Variants in NCF2 observed in about 807,000 individuals in gnomAD.
NCF2 encodes neutrophil cytosol factor 2.
NCF2 carries 45 observed loss-of-function variants against 70.9 expected under a neutral mutation model. The ratio of observed to expected loss-of-function variants is 0.63; its 90% confidence interval spans 0.50 to 0.81. NCF2 has a LOEUF of 0.81. Among genes scored for constraint, NCF2 ranks in the 40% least tolerant of loss-of-function variants. The pLI is 0.00. For missense variants in NCF2, 522 were observed against 631.6 expected (o/e 0.83, Z 1.86); for synonymous variants, 203 against 233.6 (o/e 0.87, Z 1.19).
At chr1:183,577,865 A>C (rs542797677) in intron 2 of NCF2, among the ~76,000 whole-genome samples, 158 bp from the exon 3 acceptor site, 1 of 152,156 alleles carries the variant, frequency 6.6e-6, no homozygotes. Context: ...CCCTGAGTCC[A>C]AGTATTCTAT....
At chr1:183,580,456 T>C (rs1300725382) in intron 2 of NCF2, among the ~76,000 whole-genome samples, 1 of 152,148 alleles carries the variant, frequency 6.6e-6, no homozygotes, top group Non-Finnish European at 1.5e-5. Context: ...GTTTCCTGTT[T>C]CCTGGCAGCT....
At chr1:183,559,977 G>T in intron 14 of NCF2, 119 bp downstream of exon 14, 1 of 1,093,584 alleles carries the variant, frequency 9.1e-7, no homozygotes, top group Non-Finnish European at 1.4e-6. Flanking sequence ...GCTAGGAAGG[G>T]GGTTGAAAAC....
At chr1:183,599,853 C>T in the NCF2 span, among the ~76,000 whole-genome samples, 1 of 152,050 alleles carries the variant, frequency 6.6e-6, no homozygotes, top group African/African-American at 2.4e-5. Flanking sequence ...GTACCCTGCC[C>T]TCTTTTTCTT....
intron 13 of NCF2, among the ~76,000 whole-genome samples, chr1:183,560,552 T>C (rs904970926): frequency 3.3e-5 from 5 of 152,138 alleles, no homozygotes; most frequent in African/African-American, 1.2e-4. Context: ...CAGGATAAAA[T>C]TGTTCCACCT....
chr1:183,583,976 G>A (rs2102927238), intron 2 of NCF2, among the ~76,000 whole-genome samples: 1 of 152,338 alleles, frequency 6.6e-6, no homozygotes, highest in East Asian at 1.9e-4. Flanking sequence ...TAGTCCTGGT[G>A]AAAAATGAGG....
At chr1:183,591,882 C>T (rs1410999968), upstream of NCF2, among the ~76,000 whole-genome samples, 1 of 152,206 alleles carries the variant, frequency 6.6e-6, no homozygotes. Flanking sequence ...ATTATGACTT[C>T]TCCCATCTTC....
chr1:183,563,915 T>C, intron 11 of NCF2, 90 bp downstream of exon 11: 1 of 1,448,366 alleles, frequency 6.9e-7, no homozygotes, highest in Non-Finnish European at 9.7e-7. Flanking sequence ...TTTGGGGCTC[T>C]TCCTATAATC....
intron 9 of NCF2, 37 bp downstream of exon 9, chr1:183,566,883 G>A: frequency 6.2e-7 from 1 of 1,611,578 alleles, no homozygotes. Flanking sequence ...TCCCTAAAGG[G>A]TGAGAGGAAA....
chr1:183,561,116 A>G (rs1379370948), intron 13 of NCF2, among the ~76,000 whole-genome samples: 9 of 152,224 alleles, frequency 5.9e-5, no homozygotes, highest in African/African-American at 1.9e-4. Flanking sequence ...TTTCTTATAC[A>G]TCTTAGACTT....
At position 183,586,917 on chromosome 1, in the gene NCF2, T is replaced by A. The variant is rs137854512; in HGVS notation, c.235A>T (p.Met79Leu). ...HLAVAYFQRG[M>L]LYYQTEKYDL... ...TACTTCTCTGTCTGGTAGTAGAGCA[T>A]CCCTCGTTGGAAGTAAGCCACTGCC... The change falls in exon 2 of 15, where the codon ATG (methionine) becomes TTG (leucine). Residue 79 changes from methionine to leucine, a missense_variant. Met to Leu is a conservative substitution (Grantham distance 15). Transcript: ENST00000367535. 2 of 1,614,108 alleles carry A rather than the reference T, an allele frequency of 1.2e-6. No homozygotes were observed. Among genetic ancestry groups the A allele is most frequent in the Non-Finnish European group, 1.7e-6 (2 of 1,179,966 alleles).
chr1:183,573,519 A>G (rs754874318), intron 4 of NCF2, among the ~76,000 whole-genome samples: 17 of 152,152 alleles, frequency 1.1e-4, no homozygotes, highest in Non-Finnish European at 2.4e-4. Context: ...GTTGCTATTC[A>G]GCACCCTCTT....
rs376920441 is a variant in NCF2 at position 183,556,168 on chromosome 1, C to T, written c.1531G>A (p.Val511Ile). The T allele has an allele frequency of 1.2e-6, 2 of 1,614,078 alleles. No individual in the cohort carries two copies. The highest frequency in any genetic ancestry group is 1.7e-6 in the Non-Finnish European group (2 of 1,180,030). Residue 511 changes from valine to isoleucine, a missense_variant, in exon 15 of 15, where the codon GTT (valine) becomes ATT (isoleucine). Transcript: ENST00000367535. ...AAATCTGTAGTTGCGCAGTCTTCAA[C>T]AAAAACTTTGGGGAAAATGCCCACC... is the stretch of plus-strand genomic sequence containing the variant. ...GKVGIFPKVFVEDCATTDLES... is the reference protein window; with the variant it reads ...GKVGIFPKVFIEDCATTDLES...
At chr1:183,599,482 C>CTTTCTTTCTTTCTT in the NCF2 span, among the ~76,000 whole-genome samples, 10 of 73,032 alleles carry the variant, frequency 1.4e-4, no homozygotes, top group African/African-American at 4.4e-4. Context: ...TTCTTTCTTT[C>CTTTCTTTCTTTCTT]TCTTTTCTTT....
intron 3 of NCF2, among the ~76,000 whole-genome samples, chr1:183,576,519 G>A (rs1013114467): frequency 2.0e-5 from 3 of 152,278 alleles, no homozygotes; most frequent in East Asian, 1.9e-4. Flanking sequence ...AAGTTCCCAC[G>A]ATGCGCAGGA....
At chr1:183,577,482 G>C (rs1485079005) in intron 3 of NCF2, 117 bp downstream of exon 3, 2 of 806,024 alleles carry the variant, frequency 2.5e-6, no homozygotes, top group East Asian at 4.9e-5. Flanking sequence ...AGGCAGAGGA[G>C]GCAAAATGGC....
At chr1:183,592,868 C>T (rs772348707), upstream of NCF2, among the ~76,000 whole-genome samples, 5 of 152,180 alleles carry the variant, frequency 3.3e-5, no homozygotes, top group Admixed American at 1.3e-4. Context: ...ACTCTTCTCC[C>T]GCTATGCCTT....
In NCF2 at chr1:183,556,174, CTT is replaced by C. The variant is rs772569356; in HGVS notation, c.1523_1524del (p.Lys508SerfsTer4). 2 of 1,614,204 alleles carry C rather than the reference CTT, an allele frequency of 1.2e-6. No homozygotes were observed. Among genetic ancestry groups the C allele is most frequent in the Non-Finnish European group, 1.7e-6 (2 of 1,180,036 alleles). On this transcript the variant is annotated frameshift_variant, in exon 15 of 15. Coordinates refer to ENST00000367535, the MANE Select transcript of NCF2 (RefSeq NM_000433.4). LOFTEE classifies it high-confidence loss of function. ...GTAGTTGCGCAGTCTTCAACAAAAA[CTT>C]TGGGGAAAATGCCCACCTTCCCTTT... is the stretch of plus-strand genomic sequence containing the variant. Reference protein sequence around the residue: ...ECKGKVGIFPKVFVEDCATTD... With the variant: ...ECKGKVGIFPXVFVEDCATTD...
chr1:183,563,557 T>C lies in NCF2; in HGVS notation c.1055A>G (p.Tyr352Cys), dbSNP rs748489095. Residue 352 changes from tyrosine (Y) to cysteine (C), a missense_variant, in exon 12 of 15, where the codon TAC becomes TGC. Physicochemically the swap from Tyr to Cys is radical, Grantham distance 194. Transcript: ENST00000367535. ...GTACTTGTAGTGCACCTTGAGTGTG[T>C]AGGGCATGGGAACACTGAGCTTCAC... is the stretch of plus-strand genomic sequence containing the variant. The part of the protein sequence containing the change: ...KEVKLSVPMP[Y>C]TLKVHYKYTV... 1.1e-5 allele frequency: 18 copies of C among 1,613,756 alleles called. No homozygotes were observed. The highest frequency in any genetic ancestry group is 1.3e-5 in the Non-Finnish European group (15 of 1,180,032).
At position 183,555,786 on chromosome 1, in the gene NCF2, A is replaced by T. The variant is rs1159555671; in HGVS notation, c.*332T>A. On this transcript the variant is annotated 3_prime_UTR_variant, in exon 15 of 15. Transcript: ENST00000367535. ...CAAATGTACAGCTTGATGAATGTTT[A>T]CAGTGTGAACACAGCTGGCTAGCTA... 4 of 343,640 alleles carry T rather than the reference A, an allele frequency of 1.2e-5. No individual in the cohort carries two copies. The East Asian group carries it at 2.3e-4, about 20-fold the overall frequency. 21.3% of individuals were successfully genotyped at this position (343,640 alleles called of 1,614,324 possible).
Sources: gnomAD v4.1 joint callset for allele counts (sites outside exome capture counted in the v4.1 genomes callset) on GRCh38, gnomAD v4.1.1 for gene constraint, MANE v1.5 for transcripts, NCBI Gene and HGNC (gene_info 2026-07-23, HGNC 2026-07-21) for gene names.